LRP1B: variants seen among roughly 807,000 people sequenced by gnomAD.
The protein encoded by LRP1B is low-density lipoprotein receptor-related protein 1B.
Under a neutral mutation model 556.6 loss-of-function variants are expected in LRP1B, and 217 were observed. That is an observed-to-expected ratio of 0.39 (90% CI 0.35 to 0.44). LRP1B has a LOEUF of 0.44. Among genes scored for constraint, LRP1B ranks in the 20% least tolerant of loss-of-function variants. The pLI, the probability that LRP1B is intolerant of heterozygous loss-of-function variation, is 1.00. For synonymous variants in LRP1B, 2,047 were observed against 1,865.8 expected (o/e 1.10, Z -2.50); for missense variants, 5,053 against 5,620.8 (o/e 0.90, Z 3.23).
chr2:141,231,176 A>T (rs149127217), intron 5 of LRP1B, among the ~76,000 whole-genome samples: 1 of 152,362 alleles, frequency 6.6e-6, no homozygotes, highest in Middle Eastern at 3.4e-3. Context: ...AGGTAGGACA[A>T]AAACCAGAGC....
chr2:141,557,585 T>C (rs1686005571), intron 2 of LRP1B, among the ~76,000 whole-genome samples: 1 of 151,920 alleles, frequency 6.6e-6, no homozygotes, highest in Admixed American at 6.6e-5. Context: ...TCCATGTCCT[T>C]CACTGCCTTT....
intron 7 of LRP1B, among the ~76,000 whole-genome samples, chr2:141,071,088 T>C (rs1699627369): frequency 6.6e-6 from 1 of 151,920 alleles, no homozygotes; most frequent in Non-Finnish European, 1.5e-5. Flanking sequence ...TTGATGAACA[T>C]TGATGCAAAA....
At chr2:141,722,275 C>T (rs1056668397) in intron 2 of LRP1B, among the ~76,000 whole-genome samples, 4 of 151,968 alleles carry the variant, frequency 2.6e-5, no homozygotes, top group African/African-American at 7.3e-5. Flanking sequence ...CTGCTCAGGA[C>T]GCTAAGGCAC....
intron 83 of LRP1B, among the ~76,000 whole-genome samples, chr2:140,305,175 T>G (rs1489019375): frequency 6.6e-6 from 1 of 152,216 alleles, no homozygotes; most frequent in Non-Finnish European, 1.5e-5. Flanking sequence ...TAAAGTAGTT[T>G]TCTCCAATTC....
intron 1 of LRP1B, among the ~76,000 whole-genome samples, chr2:141,948,774 C>T (rs1165158638): frequency 6.6e-6 from 1 of 151,924 alleles, no homozygotes; most frequent in African/African-American, 2.4e-5. Flanking sequence ...AAAACCATTT[C>T]TAAAATATAC....
intron 79 of LRP1B, among the ~76,000 whole-genome samples, chr2:140,333,660 C>T (rs75078298): frequency 0.023 from 3,505 of 152,072 alleles, 50 homozygotes; most frequent in Non-Finnish European, 0.023. Flanking sequence ...ATATGTACTA[C>T]GAACAATGCA....
At chr2:140,580,350 A>T (rs745791516) in intron 43 of LRP1B, among the ~76,000 whole-genome samples, 7 of 152,158 alleles carry the variant, frequency 4.6e-5, no homozygotes, top group Non-Finnish European at 8.8e-5. Flanking sequence ...AGATACAAAG[A>T]ACTAGGAGAA....
chr2:141,610,238 GGCACACCA>G (rs1233664693), intron 2 of LRP1B, among the ~76,000 whole-genome samples: 1 of 148,236 alleles, frequency 6.7e-6, no homozygotes. Context: ...TAATGGGTGC[GGCACACCA>G]GCATGACACA....
At chr2:141,164,936 G>A (rs2105122724) in intron 7 of LRP1B, among the ~76,000 whole-genome samples, 1 of 152,072 alleles carries the variant, frequency 6.6e-6, no homozygotes, top group South Asian at 2.1e-4. Flanking sequence ...TTCACCAACT[G>A]TCTTAATGGC....
chr2:141,185,690 A>C (rs1413968893), intron 7 of LRP1B, among the ~76,000 whole-genome samples: 1 of 146,830 alleles, frequency 6.8e-6, no homozygotes, highest in Admixed American at 6.9e-5. Flanking sequence ...AAACAAACAA[A>C]AAAAAACAAA....
chr2:141,800,528 A>G (rs1212063932), intron 2 of LRP1B, among the ~76,000 whole-genome samples: 1 of 152,206 alleles, frequency 6.6e-6, no homozygotes, highest in Non-Finnish European at 1.5e-5. Flanking sequence ...TGCTATGTGC[A>G]ATATTTATGT....
chr2:142,100,577 GA>G, intron 1 of LRP1B, among the ~76,000 whole-genome samples: 1 of 152,106 alleles, frequency 6.6e-6, no homozygotes, highest in South Asian at 2.1e-4. Flanking sequence ...CTGTGATTTA[GA>G]AACTATAATT....
intron 31 of LRP1B, among the ~76,000 whole-genome samples, chr2:140,834,441 T>C (rs1478732178): frequency 6.6e-6 from 1 of 152,168 alleles, no homozygotes; most frequent in Admixed American, 6.5e-5. Context: ...GGTTTCACCA[T>C]TTTAGCCAGG....
intron 35 of LRP1B, among the ~76,000 whole-genome samples, chr2:140,718,953 C>CA (rs1278947118): frequency 6.6e-6 from 1 of 152,040 alleles, no homozygotes; most frequent in African/African-American, 2.4e-5. Flanking sequence ...GCCTATTCTA[C>CA]AAAAATTATT....
At chr2:141,225,412 TA>T (rs1464338362) in intron 6 of LRP1B, among the ~76,000 whole-genome samples, 1 of 152,192 alleles carries the variant, frequency 6.6e-6, no homozygotes, top group Non-Finnish European at 1.5e-5. Flanking sequence ...CAATCATCTC[TA>T]TGCACTTTGT....
chr2:140,514,434 G>A (rs534641667), intron 51 of LRP1B, among the ~76,000 whole-genome samples: 1 of 151,710 alleles, frequency 6.6e-6, no homozygotes, highest in African/African-American at 2.4e-5. Context: ...ATTTGTTGTG[G>A]CAATATTAAG....
chr2:140,632,622 G>A lies in LRP1B; in HGVS notation c.6800-30983C>T, dbSNP rs538154639. Among the ~76,000 whole-genome samples the A allele has an allele frequency of 2.0e-5, 3 of 152,176 alleles. No individual in the cohort carries two copies. In the East Asian group the frequency reaches 5.8e-4, roughly 29 times the overall value. ...AAGAAAAAAGTGCTACAAATGTTAA[G>A]ACAAATTACAATATGGTACATATTA... On this transcript the variant is annotated intron_variant, in intron 41 of 90. Coordinates refer to ENST00000389484, the MANE Select transcript of LRP1B (RefSeq NM_018557.3).
rs1435633567 is a variant in LRP1B, at chr2:142,031,656, T to C, written c.82+98992A>G. Among the ~76,000 whole-genome samples the C allele has an allele frequency of 3.3e-5, 5 of 149,270 alleles. No individual in the cohort carries two copies. In the East Asian group the frequency reaches 9.8e-4, roughly 29 times the overall value. The stretch of plus-strand genomic sequence containing the variant: ...TGTCATTTCTAAAAAAAAAATGACA[T>C]ATTGTCAACTCCTCTTCCCATTTCC... On this transcript the variant is annotated intron_variant, in intron 1 of 90. Transcript: ENST00000389484.
chr2:141,315,252 A>ATTTTGTT (rs1686983038), intron 3 of LRP1B, among the ~76,000 whole-genome samples: 1 of 77,164 alleles, frequency 1.3e-5, no homozygotes, highest in African/African-American at 5.2e-5. Flanking sequence ...AATGATTGTA[A>ATTTTGTT]TTTTTTTTTT....
Sources: gnomAD v4.1 joint callset for allele counts (sites outside exome capture counted in the v4.1 genomes callset) on GRCh38, gnomAD v4.1.1 for gene constraint, MANE v1.5 for transcripts, NCBI Gene and HGNC (gene_info 2026-07-23, HGNC 2026-07-21) for gene names.